Variants in CFAP47 observed in about 807,000 individuals in gnomAD.
CFAP47 encodes the protein cilia and flagella associated protein 47, also known as cilia- and flagella-associated protein 47.
A neutral mutation model predicts 148.1 loss-of-function variants in CFAP47; 29 were observed. That is an observed-to-expected ratio of 0.20 (90% CI 0.15 to 0.27). The LOEUF (loss-of-function observed/expected upper bound fraction) is 0.27. Ranked by LOEUF, CFAP47 falls within the 10% of genes least tolerant of loss-of-function variation. The pLI is 1.00. For synonymous variants in CFAP47, 664 were observed against 577.3 expected, an observed-to-expected ratio of 1.15 and a Z score of -2.15; for missense variants, 1,872 against 1,697.5, an observed-to-expected ratio of 1.10 and a Z score of -1.81.
intron 63 of CFAP47, among the ~76,000 whole-genome samples, chrX:36,382,908 T>C (rs1942091110): frequency 9.0e-6 from 1 of 111,662 alleles, no homozygotes; most frequent in South Asian, 3.7e-4. Context: ...TATTTATATT[T>C]TCAAAGGGAG....
chrX:36,159,772 T>C (rs1939407897), intron 38 of CFAP47, among the ~76,000 whole-genome samples, 196 bp downstream of exon 38: 1 of 111,934 alleles, frequency 8.9e-6, no homozygotes, highest in Non-Finnish European at 1.9e-5. Context: ...TGATAGTTTA[T>C]GCAGTAAAAA....
chrX:36,299,685 G>C (rs1317129545), intron 52 of CFAP47, among the ~76,000 whole-genome samples: 2 of 111,283 alleles, frequency 1.8e-5, no homozygotes, highest in Non-Finnish European at 3.8e-5. Flanking sequence ...CCAGCGCCTG[G>C]TAACAATAAT....
At chrX:35,942,870 C>A (rs1055948345) in intron 3 of CFAP47, among the ~76,000 whole-genome samples, 3 of 111,609 alleles carry the variant, frequency 2.7e-5, no homozygotes, top group African/African-American at 9.7e-5. Flanking sequence ...TGCGCATTGG[C>A]TATTAGGATT....
At chrX:36,035,191 C>G (rs1281543644) in intron 23 of CFAP47, among the ~76,000 whole-genome samples, 1 of 111,430 alleles carries the variant, frequency 9.0e-6, no homozygotes, top group Non-Finnish European at 1.9e-5. Flanking sequence ...TAACCTGTGG[C>G]CTATTAAAAT....
At chrX:36,139,298 A>G (rs7062952) in intron 35 of CFAP47, among the ~76,000 whole-genome samples, 10,924 of 111,286 alleles carry the variant, frequency 0.098, 1,059 homozygotes, top group African/African-American at 0.3. Context: ...GCTCAGAGGA[A>G]GTAACATGAA....
chrX:36,196,642 G>T (rs1555987288), intron 42 of CFAP47, among the ~76,000 whole-genome samples: 1 of 110,999 alleles, frequency 9.0e-6, no homozygotes, highest in Admixed American at 9.7e-5. Flanking sequence ...TTGCAAATTT[G>T]CATGTAACTG....
At chrX:35,993,075 T>A (rs1936806510) in intron 17 of CFAP47, 115 bp from the exon 18 acceptor site, 1 of 264,997 alleles carries the variant, frequency 3.8e-6, no homozygotes. Context: ...AATCATTTTA[T>A]GTCCTGTGCC....
intron 33 of CFAP47, among the ~76,000 whole-genome samples, chrX:36,121,180 C>T (rs1251540943): frequency 9.0e-6 from 1 of 111,088 alleles, no homozygotes; most frequent in Non-Finnish European, 1.9e-5. Context: ...TATAGGGACT[C>T]TTGCTCATTT....
chrX:36,211,366 C>A, intron 45 of CFAP47: 1 of 249,220 alleles, frequency 4.0e-6, no homozygotes, highest in Non-Finnish European at 7.7e-6. Context: ...AAAGGGGAGA[C>A]AAAAAAGAAG....
intron 62 of CFAP47, among the ~76,000 whole-genome samples, chrX:36,375,835 G>A (rs781955558): frequency 8.9e-6 from 1 of 112,155 alleles, no homozygotes; most frequent in Non-Finnish European, 1.9e-5. Context: ...ACATGCAGTA[G>A]CTTCAGGCTG....
At chrX:36,208,850 C>T (rs1224753235) in intron 45 of CFAP47, among the ~76,000 whole-genome samples, 1 of 110,374 alleles carries the variant, frequency 9.1e-6, no homozygotes, top group African/African-American at 3.3e-5. Flanking sequence ...CCTGTAATCC[C>T]AGCAACTTGG....
At chrX:36,046,506 A>G (rs1465601419) in intron 25 of CFAP47, among the ~76,000 whole-genome samples, 1 of 111,232 alleles carries the variant, frequency 9.0e-6, no homozygotes, top group Non-Finnish European at 1.9e-5. Flanking sequence ...TGTACCTATT[A>G]AAGTGATAAC....
rs138771045 is a variant in CFAP47 at position 35,975,292 on chromosome X, C to T, written c.2400C>T (p.Tyr800=). The T allele has an allele frequency of 1.2e-3, 1,411 of 1,205,256 alleles. 11 individuals are homozygous for T. The African/African-American group carries it at 0.02, about 17-fold the overall frequency. Residue 800 remains tyrosine (Y), a synonymous_variant, in exon 14 of 64, where the codon TAC becomes TAT. Coordinates refer to ENST00000378653, the MANE Select transcript of CFAP47 (RefSeq NM_001304548.2). ...EELQKTNQFS[Y]VILPTSSTYI... is the part of the protein sequence containing the mutation. ...TTCAGAAGACCAACCAATTTTCATA[C>T]GTGATTCTACCTACATCCAGTACTT...
At chrX:35,951,396 G>A in intron 5 of CFAP47, 37 bp downstream of exon 5, 2 of 866,241 alleles carry the variant, frequency 2.3e-6, no homozygotes, top group Non-Finnish European at 3.3e-6. Context: ...CAGATATTAT[G>A]ACTTAAAAGA....
chrX:36,375,581 T>C lies in CFAP47; in HGVS notation c.9186-3769T>C, dbSNP rs781996878. On this transcript the variant is annotated intron_variant, in intron 62 of 63. Transcript: ENST00000378653. ...CAAATCCAATGTTTGTTTACTGATA[T>C]CTAATCTGGATGATCTATCCATTGT... Among the ~76,000 whole-genome samples the C allele has an allele frequency of 2.7e-5, 3 of 112,587 alleles. No homozygotes were observed. The East Asian group carries it at 8.4e-4, about 32-fold the overall frequency.
intron 33 of CFAP47, among the ~76,000 whole-genome samples, chrX:36,105,743 A>G (rs6632488): frequency 0.23 from 26,156 of 111,537 alleles, 4,014 homozygotes; most frequent in African/African-American, 0.55. Flanking sequence ...CTACACAAAA[A>G]CACATAAAAA....
chrX:36,325,277 A>C (rs1461887580), intron 57 of CFAP47, among the ~76,000 whole-genome samples: 1 of 111,567 alleles, frequency 9.0e-6, no homozygotes, highest in Non-Finnish European at 1.9e-5. Context: ...ACAACACTAT[A>C]AGATAAATTC....
Position 36,251,419 on chromosome X carries a change from C to T in CFAP47, c.7419C>T (p.Arg2473=), listed in dbSNP as rs1319722374. The change falls in exon 49 of 64, where the codon CGC becomes CGT. Residue 2473 remains arginine (R), a synonymous_variant. Coordinates refer to ENST00000378653, the MANE Select transcript of CFAP47 (RefSeq NM_001304548.2). ...YKEILYLIHV[R]PWKRGILKGT... is the part of the protein sequence containing the mutation. ...AAATTCTGTACCTGATTCATGTGCG[C>T]CCTTGGAAACGTGGTATATTGAAAG... is the stretch of plus-strand genomic sequence containing the variant. 2.0e-6 allele frequency: 1 copy of T among 504,004 alleles called. No homozygotes were observed. The highest frequency in any genetic ancestry group is 2.3e-5 in the African/African-American group (1 of 43,150). 41.5% of individuals were successfully genotyped at this position (504,004 alleles called of 1,213,427 possible).
At position 36,230,931 on chromosome X, in the gene CFAP47, C is replaced by T. The variant is rs782356731; in HGVS notation, c.7014+2107C>T. On this transcript the variant is annotated intron_variant, in intron 46 of 63. Transcript: ENST00000378653. Reference sequence around the variant, plus strand: ...AGATCAGATAGTTGTAGATATGCGACGTTATTTCTGAGGGCTCTGTTCTGT... The same window carrying T: ...AGATCAGATAGTTGTAGATATGCGATGTTATTTCTGAGGGCTCTGTTCTGT... 9.6e-5 allele frequency among the ~76,000 whole-genome samples: 10 copies of T among 103,639 alleles called. No homozygotes were observed. The South Asian group carries it at 2.2e-3, about 23-fold the overall frequency. 90.0% of individuals were successfully genotyped at this position (103,639 alleles called of 115,157 possible).
Sources: gnomAD v4.1 joint callset for allele counts (sites outside exome capture counted in the v4.1 genomes callset) on GRCh38, gnomAD v4.1.1 for gene constraint, MANE v1.5 for transcripts, NCBI Gene and HGNC (gene_info 2026-07-23, HGNC 2026-07-21) for gene names.